CIMIP2A: variants seen among roughly 807,000 people sequenced by gnomAD.
The protein encoded by CIMIP2A is ciliary microtubule inner protein 2A, also known as family with sequence similarity 166 member A.
the CIMIP2A span, chr9:137,245,884 GT>G: frequency 6.8e-7 from 1 of 1,470,806 alleles, no homozygotes. Flanking sequence ...GGCAGGGCAG[GT>G]CTCAAGGGCA....
the CIMIP2A span, chr9:137,244,575 A>G: frequency 6.3e-7 from 1 of 1,590,118 alleles, no homozygotes; most frequent in Non-Finnish European, 8.6e-7. Context: ...CCCTCCAGGG[A>G]AGCTGCCAGG....
the CIMIP2A span, chr9:137,252,214 A>T: frequency 3.3e-6 from 5 of 1,536,174 alleles, no homozygotes; most frequent in Non-Finnish European, 4.4e-6. Flanking sequence ...TCTGTGCTGA[A>T]ACCCCCACGG....
At chr9:137,253,509 C>T in the CIMIP2A span, 16 of 1,422,316 alleles carry the variant, frequency 1.1e-5, no homozygotes, top group Non-Finnish European at 1.5e-5. Context: ...GTTGTCTGTC[C>T]TTCACCCGGG....
the CIMIP2A span, among the ~76,000 whole-genome samples, chr9:137,249,213 G>A: frequency 6.6e-6 from 1 of 152,134 alleles, no homozygotes; most frequent in Non-Finnish European, 1.5e-5. Flanking sequence ...GCATAAAGCA[G>A]GACCATAATC....
chr9:137,245,935 A>G, the CIMIP2A span: 469 of 1,181,656 alleles, frequency 4.0e-4, no homozygotes, highest in African/African-American at 5.1e-3. Context: ...CCAGATGTGG[A>G]TTCAGCCTGC....
chr9:137,251,166 C>G, the CIMIP2A span: 3 of 797,688 alleles, frequency 3.8e-6, no homozygotes, highest in Middle Eastern at 3.4e-4. Flanking sequence ...GGTCGGGGCC[C>G]GGGGCAGCCC....
the CIMIP2A span, among the ~76,000 whole-genome samples, chr9:137,248,556 AAAAAAG>A: frequency 6.7e-3 from 1,022 of 151,480 alleles, 12 homozygotes; most frequent in African/African-American, 0.023. Context: ...AAAAAAAAAA[AAAAAAG>A]AAAGAAAGAA....
the CIMIP2A span, chr9:137,245,326 T>A: frequency 6.3e-7 from 1 of 1,591,684 alleles, no homozygotes; most frequent in Non-Finnish European, 8.6e-7. Flanking sequence ...CCTGGGGGCC[T>A]CGCAAACAGG....
chr9:137,252,388 C>T, the CIMIP2A span: 4 of 1,565,984 alleles, frequency 2.6e-6, no homozygotes, highest in Non-Finnish European at 3.5e-6. Context: ...TGGGGACTGT[C>T]ACCTGGGTGG....
the CIMIP2A span, among the ~76,000 whole-genome samples, chr9:137,254,071 C>A: frequency 3.3e-5 from 5 of 152,218 alleles, no homozygotes; most frequent in African/African-American, 9.6e-5. Context: ...CCCAAGGCTG[C>A]CACCTTGCAG....
chr9:137,251,378 C>A, the CIMIP2A span: 1 of 1,612,780 alleles, frequency 6.2e-7, no homozygotes, highest in Non-Finnish European at 8.5e-7. Flanking sequence ...CTGAGGCAGA[C>A]ACAACCAGAG....
chr9:137,249,855 T>C, the CIMIP2A span, among the ~76,000 whole-genome samples: 1 of 152,206 alleles, frequency 6.6e-6, no homozygotes, highest in Non-Finnish European at 1.5e-5. Context: ...ATAACTTCCC[T>C]AGTTCTATGA....
At chr9:137,248,426 C>G in the CIMIP2A span, among the ~76,000 whole-genome samples, 3 of 151,722 alleles carry the variant, frequency 2.0e-5, no homozygotes, top group Non-Finnish European at 4.4e-5. Flanking sequence ...GCCTGTAGTC[C>G]CAGCTACTCG....
the CIMIP2A span, chr9:137,244,042 C>T: frequency 9.5e-7 from 1 of 1,053,294 alleles, no homozygotes; most frequent in Admixed American, 1.9e-5. Flanking sequence ...AATCCTACCC[C>T]AACCAAGGTG....
At chr9:137,253,873 C>T in the CIMIP2A span, among the ~76,000 whole-genome samples, 1 of 152,214 alleles carries the variant, frequency 6.6e-6, no homozygotes, top group African/African-American at 2.4e-5. Flanking sequence ...CCCCACTTCC[C>T]CTAGGCCTTG....
At chr9:137,244,341 A>G in the CIMIP2A span, 6 of 1,608,466 alleles carry the variant, frequency 3.7e-6, no homozygotes, top group African/African-American at 8.0e-5. Flanking sequence ...GCAAACAGAT[A>G]GTCAAGTTGT....
the CIMIP2A span, among the ~76,000 whole-genome samples, chr9:137,248,259 G>A: frequency 1.3e-5 from 2 of 152,176 alleles, no homozygotes; most frequent in Non-Finnish European, 2.9e-5. Flanking sequence ...TAAAAATGAA[G>A]GAAGGCGGCC....
chr9:137,252,034 T>G, the CIMIP2A span: 1 of 1,612,724 alleles, frequency 6.2e-7, no homozygotes, highest in Non-Finnish European at 8.5e-7. Context: ...ACAGCTGACC[T>G]GGAAGTCCCC....
At chr9:137,247,625 T>C in the CIMIP2A span, 7 of 1,603,656 alleles carry the variant, frequency 4.4e-6, no homozygotes, top group South Asian at 6.6e-5. Context: ...CCTGCAGCCC[T>C]GGCCCCAGCC....
Sources: allele counts gnomAD v4.1 joint callset (sites outside exome capture counted in the v4.1 genomes callset), GRCh38; gene constraint gnomAD v4.1.1; transcripts MANE v1.5; gene names NCBI Gene and HGNC (gene_info 2026-07-23, HGNC 2026-07-21).